Variants in CTNND2 observed in about 807,000 individuals in gnomAD.
CTNND2 encodes catenin delta 2, also known as catenin delta-2.
A neutral mutation model predicts 144.4 loss-of-function variants in CTNND2; 22 were observed. The observed-to-expected ratio is 0.15, with a 90% CI of 0.11 to 0.22. CTNND2 has a LOEUF of 0.22. Among genes scored for constraint, CTNND2 ranks in the 10% least tolerant of loss-of-function variants. The pLI is 1.00. For missense variants in CTNND2, 1,353 were observed against 1,618.8 expected (o/e 0.84, Z 2.82); for synonymous variants, 751 against 695.6 (o/e 1.08, Z -1.25).
intron 3 of CTNND2, among the ~76,000 whole-genome samples, chr5:11,427,500 G>A (rs1012295409): frequency 3.3e-5 from 5 of 151,854 alleles, no homozygotes; most frequent in Admixed American, 6.6e-5. Flanking sequence ...GACTGGTCTC[G>A]GACTCCTGAC....
At chr5:11,186,475 A>G (rs1039399573) in intron 11 of CTNND2, among the ~76,000 whole-genome samples, 1 of 152,196 alleles carries the variant, frequency 6.6e-6, no homozygotes, top group East Asian at 1.9e-4. Flanking sequence ...CTGTAATATG[A>G]GGTAACCTCA....
chr5:11,484,802 G>A (rs1374704655), intron 3 of CTNND2, among the ~76,000 whole-genome samples: 1 of 152,084 alleles, frequency 6.6e-6, no homozygotes, highest in Non-Finnish European at 1.5e-5. Flanking sequence ...TAGCAAACAA[G>A]ACAGAACAGT....
chr5:11,494,926 T>C lies in CTNND2; in HGVS notation c.287+70018A>G, dbSNP rs567772782. On this transcript the variant is annotated intron_variant, in intron 3 of 21. Transcript: ENST00000304623. The stretch of plus-strand genomic sequence containing the variant: ...TCCATTCAGACTCAAATCTTTCATT[T>C]CATCATTAATTATTTCTCATATCTG... Among the ~76,000 whole-genome samples, 61 of 152,224 alleles carry C rather than the reference T, an allele frequency of 4.0e-4. 1 individual carries two copies. The highest frequency in any genetic ancestry group is 8.7e-4 in the Non-Finnish European group (59 of 68,038).
intron 2 of CTNND2, among the ~76,000 whole-genome samples, chr5:11,705,308 C>A (rs928690318): frequency 6.6e-6 from 1 of 152,168 alleles, no homozygotes; most frequent in African/African-American, 2.4e-5. Context: ...ATTCTTCCCC[C>A]ACCCAACTCC....
rs745358008 is a variant in CTNND2, at chr5:11,397,057, G to T, written c.586C>A (p.Arg196=). ...SQLPARGTQA[R]ATGQSFSQGT... Reference sequence around the variant, plus strand: ...TGGCTGAAGCTCTGGCCCGTAGCTCGGGCTTGTGTGCCTCGGGCCGGGAGC... The same window carrying T: ...TGGCTGAAGCTCTGGCCCGTAGCTCTGGCTTGTGTGCCTCGGGCCGGGAGC... Residue 196 remains arginine (R), a synonymous_variant, in exon 6 of 22, where the codon CGA becomes AGA. Transcript: ENST00000304623. The T allele has an allele frequency of 2.5e-6, 4 of 1,613,778 alleles. No individual in the cohort carries two copies. The highest frequency in any genetic ancestry group is 3.3e-5 in the Admixed American group (2 of 60,026).
intron 2 of CTNND2, among the ~76,000 whole-genome samples, chr5:11,724,161 A>G (rs1333246423): frequency 6.7e-6 from 1 of 149,048 alleles, no homozygotes; most frequent in African/African-American, 2.4e-5. Context: ...AGTTGACTAT[A>G]GTTAACTATT....
chr5:11,344,649 G>A (rs916156391), intron 9 of CTNND2, among the ~76,000 whole-genome samples: 11 of 151,820 alleles, frequency 7.2e-5, no homozygotes, highest in East Asian at 1.9e-4. Context: ...CAAATTTGAC[G>A]CATACAAAAG....
intron 9 of CTNND2, among the ~76,000 whole-genome samples, chr5:11,321,214 C>CAGTGAGTTGTATAAATATACAAT (rs1358670202): frequency 2.0e-5 from 3 of 152,168 alleles, no homozygotes; most frequent in Non-Finnish European, 2.9e-5. Flanking sequence ...TTTTATACAA[C>CAGTGAGTTGTATAAATATACAAT]AGTGAGTTTC....
intron 14 of CTNND2, among the ~76,000 whole-genome samples, chr5:11,103,291 G>T (rs568636564): frequency 1.3e-5 from 2 of 152,150 alleles, no homozygotes; most frequent in African/African-American, 2.4e-5. Context: ...CTATTTAAAA[G>T]AGTTCTATCT....
chr5:11,495,132 A>T (rs1223552954), intron 3 of CTNND2, among the ~76,000 whole-genome samples: 1 of 152,182 alleles, frequency 6.6e-6, no homozygotes, highest in Non-Finnish European at 1.5e-5. Context: ...TTTAGTTGTC[A>T]TCTGATAAAT....
At chr5:11,389,960 TG>T (rs1217696902) in intron 6 of CTNND2, among the ~76,000 whole-genome samples, 1 of 152,180 alleles carries the variant, frequency 6.6e-6, no homozygotes, top group Non-Finnish European at 1.5e-5. Context: ...GTCTTTAGAC[TG>T]GGGGGGAGTC....
At chr5:11,157,899 G>A (rs1758379036) in intron 12 of CTNND2, among the ~76,000 whole-genome samples, 1 of 152,174 alleles carries the variant, frequency 6.6e-6, no homozygotes, top group African/African-American at 2.4e-5. Flanking sequence ...TCACCAAACT[G>A]TGCTCCAGCA....
chr5:11,228,198 A>C (rs1041723703), intron 10 of CTNND2, among the ~76,000 whole-genome samples: 2 of 151,694 alleles, frequency 1.3e-5, no homozygotes, highest in African/African-American at 4.8e-5. Flanking sequence ...AAAAATTTTT[A>C]GCCAGGCGTG....
At chr5:11,011,188 G>A (rs757496890) in intron 18 of CTNND2, among the ~76,000 whole-genome samples, 3 of 152,282 alleles carry the variant, frequency 2.0e-5, no homozygotes, top group African/African-American at 7.2e-5. Context: ...TGATCCATAC[G>A]CTTAGGAACT....
chr5:11,713,307 G>A (rs1786140103), intron 2 of CTNND2, among the ~76,000 whole-genome samples: 1 of 152,126 alleles, frequency 6.6e-6, no homozygotes, highest in Non-Finnish European at 1.5e-5. Flanking sequence ...TAAGCCAGGT[G>A]CAGTGGCTCA....
chr5:11,649,780 C>A (rs2126532412), intron 2 of CTNND2, among the ~76,000 whole-genome samples: 1 of 152,216 alleles, frequency 6.6e-6, no homozygotes, highest in Non-Finnish European at 1.5e-5. Flanking sequence ...ATTAATATAG[C>A]TAAGGTTTAC....
intron 3 of CTNND2, among the ~76,000 whole-genome samples, chr5:11,507,987 AT>A (rs33991357): frequency 0.51 from 75,750 of 147,360 alleles, 19,610 homozygotes; most frequent in African/African-American, 0.61. Flanking sequence ...AAAGAAATGG[AT>A]TTTTTTTTTT....
intron 3 of CTNND2, among the ~76,000 whole-genome samples, chr5:11,537,874 C>G (rs1023990616): frequency 1.3e-5 from 2 of 152,154 alleles, no homozygotes; most frequent in African/African-American, 4.8e-5. Context: ...TTATGTTCTC[C>G]TGGAAAATCA....
intron 16 of CTNND2, among the ~76,000 whole-genome samples, chr5:11,028,342 G>A (rs1479524327): frequency 6.6e-6 from 1 of 152,030 alleles, no homozygotes; most frequent in Non-Finnish European, 1.5e-5. Context: ...TTGCTGAGGT[G>A]CTCTGAGTTT....
Sources: allele counts gnomAD v4.1 joint callset (sites outside exome capture counted in the v4.1 genomes callset), GRCh38; gene constraint gnomAD v4.1.1; transcripts MANE v1.5; gene names NCBI Gene and HGNC (gene_info 2026-07-23, HGNC 2026-07-21).